Variants in VAV1 observed in about 807,000 individuals in gnomAD.
VAV1 encodes vav guanine nucleotide exchange factor 1.
A neutral mutation model predicts 128.1 loss-of-function variants in VAV1; 33 were observed. The ratio of observed to expected loss-of-function variants is 0.26; its 90% CI spans 0.20 to 0.34. The LOEUF is 0.34. Among genes scored for constraint, VAV1 ranks in the 10% least tolerant of loss-of-function variants. VAV1 has a pLI of 1.00. For missense variants in VAV1, 715 were observed against 1,093.7 expected, an observed-to-expected ratio of 0.65 and a Z score of 4.88; for synonymous variants, 394 against 409.8, an observed-to-expected ratio of 0.96 and a Z score of 0.47.
intron 16 of VAV1, 34 bp from the exon 17 acceptor site, chr19:6,833,494 A>G: frequency 6.4e-7 from 1 of 1,557,576 alleles, no homozygotes; most frequent in Non-Finnish European, 8.7e-7. Context: ...TGTAAAGGTC[A>G]CTCGCTCTTC....
At position 6,777,380 on chromosome 19, in the gene VAV1, A is replaced by G. The variant is rs749187719; in HGVS notation, c.204+4369A>G. On this transcript the variant is annotated intron_variant, in intron 1 of 26. Transcript: ENST00000602142. This position sits in a 1 kb window ranked among gnomAD's most constrained non-coding sequence, Gnocchi z 4.4. ...AAACCCCTGTTGTTGAGGAGCCTGC[A>G]TTCTAGTGGGGGAGGCTGACAGTGA... Among the ~76,000 whole-genome samples the G allele has an allele frequency of 6.6e-6, 1 of 152,158 alleles. No individual in the cohort carries two copies. Among genetic ancestry groups the G allele is most frequent in the South Asian group, 2.1e-4 (1 of 4,824 alleles).
At chr19:6,796,252 CGA>C (rs927895396) in intron 1 of VAV1, among the ~76,000 whole-genome samples, 23 of 152,176 alleles carry the variant, frequency 1.5e-4, no homozygotes, top group African/African-American at 5.5e-4. Flanking sequence ...AGTGTGTACT[CGA>C]GAGAGAGGTG....
intron 1 of VAV1, among the ~76,000 whole-genome samples, chr19:6,785,950 G>A (rs808843): frequency 0.19 from 28,707 of 151,850 alleles, 2,767 homozygotes; most frequent in Middle Eastern, 0.23. Context: ...ATGAGCCACC[G>A]CGCCCAGCCC....
At chr19:6,824,793 G>A (rs770727468) in intron 6 of VAV1, among the ~76,000 whole-genome samples, 14 of 152,258 alleles carry the variant, frequency 9.2e-5, no homozygotes, top group Non-Finnish European at 1.3e-4. Flanking sequence ...GGCTCCCAAA[G>A]TGCTGGGATT....
intron 14 of VAV1, among the ~76,000 whole-genome samples, 179 bp from the exon 15 acceptor site, chr19:6,831,912 T>G (rs1332751258): frequency 6.6e-6 from 1 of 151,202 alleles, no homozygotes; most frequent in Non-Finnish European, 1.5e-5. Context: ...GGTTTTGGGT[T>G]TATGGTTGTG....
intron 1 of VAV1, 39 bp downstream of exon 1, chr19:6,773,050 C>T (rs749769554): frequency 4.1e-5 from 66 of 1,612,126 alleles, no homozygotes; most frequent in African/African-American, 2.7e-5. Flanking sequence ...GGGTTGGAGA[C>T]GGGGGTCCTC....
chr19:6,816,328 ATTTT>A (rs1971649327), intron 1 of VAV1: 1 of 151,972 alleles, frequency 6.6e-6, no homozygotes, highest in Non-Finnish European at 1.5e-5. Context: ...CTACAAAAAC[ATTTT>A]TAAAATTAGC....
chr19:6,792,097 A>T (rs936644936), intron 1 of VAV1, among the ~76,000 whole-genome samples: 4 of 152,142 alleles, frequency 2.6e-5, no homozygotes, highest in Non-Finnish European at 5.9e-5. Flanking sequence ...CATGCCTGCA[A>T]TCCCAGTGTT....
At chr19:6,821,579 G>A (rs1180086237) in intron 2 of VAV1, 43 bp from the exon 3 acceptor site, 4 of 1,611,542 alleles carry the variant, frequency 2.5e-6, no homozygotes, top group South Asian at 1.1e-5. Flanking sequence ...TCTGCCGTGG[G>A]GGTGTACAAG....
intron 1 of VAV1, among the ~76,000 whole-genome samples, chr19:6,815,901 G>C (rs1433322449): frequency 6.6e-6 from 1 of 152,124 alleles, no homozygotes; most frequent in Non-Finnish European, 1.5e-5. Flanking sequence ...TCAAGAAAGT[G>C]GGCTCAGCTG....
chr19:6,856,250 T>C (rs550853957), intron 26 of VAV1, among the ~76,000 whole-genome samples: 2 of 151,072 alleles, frequency 1.3e-5, no homozygotes, highest in East Asian at 3.9e-4. Context: ...TGAGCTGAGA[T>C]CGCGCCACTG....
At chr19:6,794,972 CTGG>C (rs1971098263) in intron 1 of VAV1, among the ~76,000 whole-genome samples, 1 of 152,166 alleles carries the variant, frequency 6.6e-6, no homozygotes, top group Non-Finnish European at 1.5e-5. Context: ...GGGCTATTGA[CTGG>C]AGCACTTACG....
chr19:6,835,761 AT>A (rs1972206722), intron 19 of VAV1: 1 of 152,204 alleles, frequency 6.6e-6, no homozygotes, highest in Non-Finnish European at 1.5e-5. Context: ...TGATATCACA[AT>A]TTGTTTATTG....
intron 1 of VAV1, among the ~76,000 whole-genome samples, chr19:6,790,556 G>A (rs964355986): frequency 7.9e-5 from 12 of 152,190 alleles, no homozygotes; most frequent in Admixed American, 2.6e-4. Flanking sequence ...CAGGACAGGC[G>A]AGCCCCTAGA....
intron 21 of VAV1, 61 bp from the exon 22 acceptor site, chr19:6,843,074 T>G (rs1446246320): frequency 6.5e-7 from 1 of 1,549,396 alleles, no homozygotes; most frequent in Non-Finnish European, 8.9e-7. Context: ...TGAAGTGCCC[T>G]GCCCTCTGCT....
intron 1 of VAV1, among the ~76,000 whole-genome samples, chr19:6,786,618 A>G (rs1489238526): frequency 1.3e-5 from 2 of 152,030 alleles, no homozygotes; most frequent in South Asian, 2.1e-4. Context: ...CCCCATCTCT[A>G]TAAAAAATAT....
chr19:6,796,256 A>G (rs2660488), intron 1 of VAV1, among the ~76,000 whole-genome samples: 25,225 of 152,072 alleles, frequency 0.17, 3,372 homozygotes, highest in African/African-American at 0.37. Flanking sequence ...TGTACTCGAG[A>G]GAGAGGTGGG....
chr19:6,811,225 A>G (rs12327841), intron 1 of VAV1, among the ~76,000 whole-genome samples: 11,907 of 152,148 alleles, frequency 0.078, 1,237 homozygotes, highest in African/African-American at 0.24. Flanking sequence ...TAGTAGAGAC[A>G]GCATTTCACC....
chr19:6,803,864 G>A (rs139302836), intron 1 of VAV1, among the ~76,000 whole-genome samples: 19 of 152,090 alleles, frequency 1.2e-4, no homozygotes, highest in African/African-American at 3.4e-4. Flanking sequence ...TGCTCCCAGC[G>A]CAGACAATGG....
Sources: gnomAD v4.1 joint callset for allele counts (sites outside exome capture counted in the v4.1 genomes callset) on GRCh38, gnomAD v4.1.1 for gene constraint, Gnocchi (gnomAD v3.1) non-coding constraint, MANE v1.5 for transcripts, NCBI Gene and HGNC (gene_info 2026-07-23, HGNC 2026-07-21) for gene names.